Variants in HEMK2 observed in about 807,000 individuals in gnomAD.
HEMK2 encodes the protein methyltransferase HEMK2.
At chr21:28,841,445 A>AT in the HEMK2 span, among the ~76,000 whole-genome samples, 1 of 98,928 alleles carries the variant, frequency 1.0e-5, no homozygotes, top group African/African-American at 4.0e-5. Context: ...TATTATATAT[A>AT]AAATATTATA....
the HEMK2 span, among the ~76,000 whole-genome samples, chr21:28,737,155 C>T: frequency 1.3e-5 from 2 of 152,158 alleles, no homozygotes; most frequent in Non-Finnish European, 2.9e-5. Flanking sequence ...GTCAGGGTCT[C>T]ACTTTGTCAC....
At chr21:28,598,807 T>C in the HEMK2 span, among the ~76,000 whole-genome samples, 3 of 152,088 alleles carry the variant, frequency 2.0e-5, no homozygotes, top group South Asian at 6.2e-4. Context: ...GGACAGTAAG[T>C]GAAAAGAGTT....
the HEMK2 span, among the ~76,000 whole-genome samples, chr21:28,594,876 T>C: frequency 1.3e-5 from 2 of 152,220 alleles, no homozygotes; most frequent in East Asian, 3.8e-4. Context: ...TCGTTCACAA[T>C]AGTTGAAATT....
chr21:28,846,360 T>A, the HEMK2 span, among the ~76,000 whole-genome samples: 1 of 152,224 alleles, frequency 6.6e-6, no homozygotes, highest in African/African-American at 2.4e-5. Context: ...TTAAATTCTT[T>A]GAGAAATCTC....
At chr21:28,675,374 C>T in the HEMK2 span, among the ~76,000 whole-genome samples, 1,355 of 152,314 alleles carry the variant, frequency 8.9e-3, 25 homozygotes, top group African/African-American at 0.031. Context: ...CACAGCCTGA[C>T]TCATCAACCC....
the HEMK2 span, among the ~76,000 whole-genome samples, chr21:28,596,766 T>A: frequency 1.3e-5 from 2 of 152,216 alleles, no homozygotes; most frequent in African/African-American, 2.4e-5. Flanking sequence ...ACGCTAATTT[T>A]AATTCAAGAT....
chr21:28,595,192 T>C, the HEMK2 span, among the ~76,000 whole-genome samples: 3 of 152,218 alleles, frequency 2.0e-5, no homozygotes, highest in South Asian at 4.1e-4. Flanking sequence ...ATTATATTCT[T>C]CTAGTTATTT....
chr21:28,698,232 T>C, the HEMK2 span, among the ~76,000 whole-genome samples: 4 of 152,238 alleles, frequency 2.6e-5, no homozygotes, highest in Non-Finnish European at 5.9e-5. Flanking sequence ...TGGAGCCAAC[T>C]GTGTTTGAAT....
the HEMK2 span, among the ~76,000 whole-genome samples, chr21:28,631,892 G>T: frequency 6.6e-6 from 1 of 151,668 alleles, no homozygotes; most frequent in African/African-American, 2.4e-5. Context: ...CAAATAAATG[G>T]TATCACTCTC....
chr21:28,766,990 C>A, the HEMK2 span, among the ~76,000 whole-genome samples: 31 of 152,134 alleles, frequency 2.0e-4, no homozygotes, highest in African/African-American at 7.2e-4. Flanking sequence ...TGACCCCACC[C>A]AAATCTCATC....
chr21:28,850,385 C>A, the HEMK2 span, among the ~76,000 whole-genome samples: 3 of 151,858 alleles, frequency 2.0e-5, no homozygotes, highest in African/African-American at 7.2e-5. Context: ...CCACCACGCC[C>A]GGCTAATTTT....
At chr21:28,850,436 G>A in the HEMK2 span, among the ~76,000 whole-genome samples, 2 of 152,032 alleles carry the variant, frequency 1.3e-5, no homozygotes, top group African/African-American at 4.8e-5. Flanking sequence ...GTGTTAGCCA[G>A]GATGGTCTCG....
At chr21:28,604,802 C>T in the HEMK2 span, among the ~76,000 whole-genome samples, 8 of 152,240 alleles carry the variant, frequency 5.3e-5, no homozygotes, top group Admixed American at 4.6e-4. Flanking sequence ...TAGCTTGGCA[C>T]AGATCTTACT....
the HEMK2 span, among the ~76,000 whole-genome samples, chr21:28,741,379 G>A: frequency 1.3e-5 from 2 of 152,296 alleles, no homozygotes; most frequent in Non-Finnish European, 2.9e-5. Context: ...ACTACAGAAA[G>A]AGGTTTCTTT....
At chr21:28,791,746 T>C in the HEMK2 span, among the ~76,000 whole-genome samples, 62 of 152,082 alleles carry the variant, frequency 4.1e-4, no homozygotes, top group African/African-American at 1.3e-3. Flanking sequence ...AGTAGGAGGA[T>C]TGGCCAATCC....
chr21:28,867,307 T>C, the HEMK2 span, among the ~76,000 whole-genome samples: 1 of 152,192 alleles, frequency 6.6e-6, no homozygotes, highest in African/African-American at 2.4e-5. Context: ...TGAATAACTC[T>C]TCAACATGGA....
At chr21:28,772,575 T>C in the HEMK2 span, among the ~76,000 whole-genome samples, 14 of 152,332 alleles carry the variant, frequency 9.2e-5, no homozygotes, top group Middle Eastern at 6.8e-3. Flanking sequence ...AAGTTATAAG[T>C]ATTGCCTCAT....
At chr21:28,788,177 T>C in the HEMK2 span, among the ~76,000 whole-genome samples, 5 of 115,780 alleles carry the variant, frequency 4.3e-5, no homozygotes, top group Non-Finnish European at 8.0e-5. Flanking sequence ...CTCCATCATA[T>C]ATACACATAT....
chr21:28,595,925 C>G, the HEMK2 span, among the ~76,000 whole-genome samples: 3 of 152,030 alleles, frequency 2.0e-5, no homozygotes, highest in East Asian at 3.9e-4. Context: ...GCTGGGACTA[C>G]AGGCACCTGC....
Sources: gnomAD v4.1 joint callset for allele counts (sites outside exome capture counted in the v4.1 genomes callset) on GRCh38, gnomAD v4.1.1 for gene constraint, MANE v1.5 for transcripts, NCBI Gene and HGNC (gene_info 2026-07-23, HGNC 2026-07-21) for gene names.